The following ZNF385D variants were observed in gnomAD, a reference collection of about 807,000 sequenced individuals.
ZNF385D encodes the protein zinc finger protein 385D.
In ZNF385D, 15 loss-of-function variants were observed where a neutral mutation model predicts 35.8. That is an observed-to-expected ratio of 0.42 (90% CI 0.28 to 0.64). The LOEUF (loss-of-function observed/expected upper bound fraction) is 0.64, where lower values mean the gene tolerates loss of function less well. ZNF385D is among the 30% of genes least tolerant of loss of function. ZNF385D has a pLI of 0.23. For synonymous variants in ZNF385D, 212 were observed against 186.8 expected (o/e 1.13, Z -1.10); for missense variants, 474 against 494.6 (o/e 0.96, Z 0.39).
At chr3:22,218,216 C>G (rs916072436) in intron 2 of ZNF385D, among the ~76,000 whole-genome samples, 1 of 152,040 alleles carries the variant, frequency 6.6e-6, no homozygotes, top group Middle Eastern at 3.2e-3. Context: ...ATTGAGTCTT[C>G]TTTAATTTTA....
intron 1 of ZNF385D, among the ~76,000 whole-genome samples, chr3:21,697,325 A>G (rs1452943117): frequency 6.6e-6 from 1 of 152,210 alleles, no homozygotes; most frequent in Non-Finnish European, 1.5e-5. Flanking sequence ...CATGAAAAAA[A>G]GACAAGAAAT....
chr3:21,441,555 T>C lies in ZNF385D; in HGVS notation c.440-4352A>G, dbSNP rs1051866846. 5.4e-5 allele frequency: 13 copies of C among 240,262 alleles called. No individual in the cohort carries two copies. The Admixed American group carries it at 5.9e-4, about 11-fold the overall frequency. The allele number at this position is 240,262 out of a possible 1,614,324, so 14.9% of individuals were successfully genotyped here. ...AGACAACATCTTAAACATTTGACTA[T>C]AAAAGAAACTAAGCGTGGCCCAAGC... On this transcript the variant is annotated intron_variant, in intron 4 of 7. Coordinates refer to ENST00000281523, the MANE Select transcript of ZNF385D (RefSeq NM_024697.3).
At chr3:21,763,057 T>C (rs2070688409) in intron 3 of ZNF385D, among the ~76,000 whole-genome samples, 1 of 152,120 alleles carries the variant, frequency 6.6e-6, no homozygotes, top group Non-Finnish European at 1.5e-5. Flanking sequence ...AAGTCCCAAG[T>C]ACCTGTAAAC....
intron 3 of ZNF385D, chr3:21,777,618 C>T (rs2071339583): frequency 6.6e-6 from 1 of 151,832 alleles, no homozygotes; most frequent in Non-Finnish European, 1.5e-5. Context: ...ATAGATCTTC[C>T]CATTGGAGAC....
chr3:21,443,233 C>T, intron 4 of ZNF385D: 1 of 985,376 alleles, frequency 1.0e-6, no homozygotes, highest in Middle Eastern at 5.2e-4. Context: ...TGCTTCCGCT[C>T]TGTTCTTACA....
At chr3:21,776,424 A>G (rs1355915954) in intron 3 of ZNF385D, among the ~76,000 whole-genome samples, 1 of 151,936 alleles carries the variant, frequency 6.6e-6, no homozygotes, top group Non-Finnish European at 1.5e-5. Context: ...CTCCACCATA[A>G]CCAGCACTGA....
chr3:22,265,649 C>A (rs1329173461), intron 2 of ZNF385D, among the ~76,000 whole-genome samples: 1 of 151,922 alleles, frequency 6.6e-6, no homozygotes, highest in African/African-American at 2.4e-5. Context: ...TCTGAAGTCA[C>A]TGAGTGATAG....
chr3:21,842,297 A>G (rs1424473373), intron 3 of ZNF385D, among the ~76,000 whole-genome samples: 2 of 152,008 alleles, frequency 1.3e-5, no homozygotes, highest in Admixed American at 6.6e-5. Context: ...CATTTTGAAT[A>G]TATGTGCTAT....
intron 3 of ZNF385D, among the ~76,000 whole-genome samples, chr3:21,821,402 C>A (rs1296714118): frequency 1.3e-5 from 2 of 152,088 alleles, no homozygotes; most frequent in Non-Finnish European, 2.9e-5. Context: ...GATAAATACT[C>A]CCACCTAATA....
rs548046166 is a variant in ZNF385D at position 21,969,668 on chromosome 3, C to T, written c.325+199149G>A. ...AAGGAAACGAAGCTGGCTGGATTCACCATCTGCTTATTGTAGGGTCCTTGG... is the reference window on the plus strand; with the variant it reads ...AAGGAAACGAAGCTGGCTGGATTCATCATCTGCTTATTGTAGGGTCCTTGG... On this transcript the variant is annotated intron_variant, in intron 3 of 5. Coordinates refer to the ZNF385D transcript ENST00000494108. Among the ~76,000 whole-genome samples, 3 of 152,252 alleles carry T rather than the reference C, an allele frequency of 2.0e-5. No homozygotes were observed. The East Asian group carries it at 5.8e-4, about 30-fold the overall frequency.
chr3:21,546,536 A>G (rs1177620806), intron 3 of ZNF385D, among the ~76,000 whole-genome samples: 1 of 151,920 alleles, frequency 6.6e-6, no homozygotes, highest in African/African-American at 2.4e-5. Flanking sequence ...TTGGCTTATG[A>G]TAAGGAGTCC....
chr3:22,084,527 A>G (rs947525589), intron 3 of ZNF385D, among the ~76,000 whole-genome samples: 1 of 152,210 alleles, frequency 6.6e-6, no homozygotes, highest in Non-Finnish European at 1.5e-5. Context: ...AGAAGAGCTA[A>G]CTATCCTAAA....
At chr3:21,576,177 A>G (rs1213466320) in intron 2 of ZNF385D, among the ~76,000 whole-genome samples, 1 of 152,114 alleles carries the variant, frequency 6.6e-6, no homozygotes, top group Non-Finnish European at 1.5e-5. Context: ...ACACCAGACT[A>G]TTTTTGCACC....
At chr3:22,110,653 G>T (rs1344975188) in intron 3 of ZNF385D, among the ~76,000 whole-genome samples, 2 of 151,880 alleles carry the variant, frequency 1.3e-5, no homozygotes, top group African/African-American at 2.4e-5. Context: ...TGGGGGGAGT[G>T]GGGAGGGACA....
chr3:21,889,800 C>T lies in ZNF385D; in HGVS notation c.326-224772G>A, dbSNP rs147383333. Among the ~76,000 whole-genome samples, 418 of 152,178 alleles carry T rather than the reference C, an allele frequency of 2.7e-3. 2 individuals are homozygous for T. The highest frequency in any genetic ancestry group is 9.5e-3 in the African/African-American group (396 of 41,524). On this transcript the variant is annotated intron_variant, in intron 3 of 5. Coordinates refer to the ZNF385D transcript ENST00000494108. The stretch of plus-strand genomic sequence containing the variant: ...ATATATTATCTCACAGTTCTGGAGA[C>T]CAGAAGTTTGTGATCAAGTGTCAGC...
At chr3:21,972,644 T>G (rs1703335140) in intron 3 of ZNF385D, among the ~76,000 whole-genome samples, 2 of 151,740 alleles carry the variant, frequency 1.3e-5, no homozygotes, top group African/African-American at 2.4e-5. Context: ...AAATGAAAAG[T>G]TGTTTTTTTG....
intron 2 of ZNF385D, among the ~76,000 whole-genome samples, chr3:21,630,294 C>T (rs2065244815): frequency 6.6e-6 from 1 of 151,664 alleles, no homozygotes; most frequent in African/African-American, 2.4e-5. Context: ...CATCCTCTTC[C>T]TCCTGAGTTC....
intron 1 of ZNF385D, among the ~76,000 whole-genome samples, chr3:21,719,510 T>C (rs1426746243): frequency 6.6e-6 from 1 of 152,156 alleles, no homozygotes; most frequent in Non-Finnish European, 1.5e-5. Flanking sequence ...ATTTTACCGA[T>C]CCTCAAACTG....
intron 3 of ZNF385D, among the ~76,000 whole-genome samples, chr3:21,854,103 A>C (rs1415287711): frequency 6.6e-6 from 1 of 151,946 alleles, no homozygotes; most frequent in Non-Finnish European, 1.5e-5. Flanking sequence ...ATAAACAAGA[A>C]AGATAGTACT....
Sources: allele counts gnomAD v4.1 joint callset (sites outside exome capture counted in the v4.1 genomes callset), GRCh38; gene constraint gnomAD v4.1.1; transcripts MANE v1.5; gene names NCBI Gene and HGNC (gene_info 2026-07-23, HGNC 2026-07-21).